Variants in MTHFD1L observed in about 807,000 individuals in gnomAD.
MTHFD1L encodes monofunctional C1-tetrahydrofolate synthase, mitochondrial.
A neutral mutation model predicts 119.5 loss-of-function variants in MTHFD1L; 81 were observed. The ratio of observed to expected loss-of-function variants is 0.68; its 90% CI spans 0.57 to 0.82. The LOEUF (loss-of-function observed/expected upper bound fraction) is 0.82. Ranked by LOEUF, MTHFD1L falls within the 40% of genes least tolerant of loss-of-function variation. The pLI, the probability that MTHFD1L is intolerant of heterozygous loss-of-function variation, is 0.00. For synonymous variants in MTHFD1L, 430 were observed against 475.2 expected, an observed-to-expected ratio of 0.90 and a Z score of 1.24; for missense variants, 1,125 against 1,253.4, an observed-to-expected ratio of 0.90 and a Z score of 1.55.
In MTHFD1L at chr6:151,039,224, G is replaced by A. The variant is rs557653712; in HGVS notation, c.2847+2107G>A. 5.3e-4 allele frequency among the ~76,000 whole-genome samples: 81 copies of A among 152,236 alleles called. 3 individuals carry two copies. The South Asian group carries it at 0.016, about 30-fold the overall frequency. ...CGTCCAGAAAAATCCCACAGACACCGCTCGTAGCAGTGTTGGCACAGGGAG... is the reference window on the plus strand; with the variant it reads ...CGTCCAGAAAAATCCCACAGACACCACTCGTAGCAGTGTTGGCACAGGGAG... On this transcript the variant is annotated intron_variant, in intron 26 of 27. Transcript: ENST00000367321. This position sits in a 1 kb window ranked among gnomAD's most constrained non-coding sequence, Gnocchi z 4.4.
At chr6:151,013,128 C>G (rs1762442988) in intron 21 of MTHFD1L, among the ~76,000 whole-genome samples, 1 of 152,196 alleles carries the variant, frequency 6.6e-6, no homozygotes, top group African/African-American at 2.4e-5. Context: ...CCCTGTAATG[C>G]CAGCACTTTG....
intron 27 of MTHFD1L, among the ~76,000 whole-genome samples, chr6:151,093,656 TA>T (rs753488261): frequency 2.9e-3 from 425 of 144,088 alleles, no homozygotes; most frequent in Admixed American, 3.1e-3. Context: ...ACTCTCCTTC[TA>T]AAAAAAAAAA....
rs142684557 is a variant in MTHFD1L, at chr6:150,926,208, T to C, written c.1169T>C (p.Ile390Thr). 166 of 1,614,062 alleles carry C rather than the reference T, an allele frequency of 1.0e-4. No individual in the cohort carries two copies. In the African/African-American group the frequency reaches 1.9e-3, roughly 18 times the overall value. ...EIGLLADEIE[I>T]YGKSKAKVRL... The stretch of plus-strand genomic sequence containing the variant: ...GGATTGCTTGCAGATGAAATTGAAA[T>C]CTATGGCAAAAGCAAAGCCAAAGTA... Residue 390 changes from isoleucine (I) to threonine (T), a missense_variant, in exon 11 of 28, where the codon ATC (isoleucine) becomes ACC (threonine). Ile to Thr is a moderately conservative substitution (Grantham distance 89). This residue lies in a region of MTHFD1L where 1,058 missense variants were observed against 1,151.2 expected (regional missense o/e 0.92). Coordinates refer to ENST00000367321, the MANE Select transcript of MTHFD1L (RefSeq NM_015440.5). The surrounding 1 kb of genome is among the most constrained non-coding windows in gnomAD (Gnocchi z 4.3).
chr6:151,088,976 T>C (rs1271413623), intron 26 of MTHFD1L, among the ~76,000 whole-genome samples: 1 of 152,224 alleles, frequency 6.6e-6, no homozygotes, highest in Non-Finnish European at 1.5e-5. Context: ...AGTAGAGTCT[T>C]CCATTGGTAG....
intron 26 of MTHFD1L, among the ~76,000 whole-genome samples, chr6:151,071,145 G>T (rs73782708): frequency 0.028 from 4,242 of 152,242 alleles, 188 homozygotes; most frequent in African/African-American, 0.096. Context: ...TTAAACTTTT[G>T]TGTAAGCTCC....
Position 151,003,216 on chromosome 6 carries a change from C to G in MTHFD1L, c.2126-6603C>G, listed in dbSNP as rs185476967. On this transcript the variant is annotated intron_variant, in intron 20 of 27. Transcript: ENST00000367321. ...AAACAGAATTCAAGAAAAACAACAA[C>G]AACAACAAAAAACACATTAAAAACA... is the stretch of plus-strand genomic sequence containing the variant. Among the ~76,000 whole-genome samples, 12 of 152,176 alleles carry G rather than the reference C, an allele frequency of 7.9e-5. No individual in the cohort carries two copies. In the East Asian group the frequency reaches 1.9e-3, roughly 25 times the overall value.
intron 26 of MTHFD1L, among the ~76,000 whole-genome samples, chr6:151,045,767 C>T (rs543144536): frequency 6.6e-6 from 1 of 152,292 alleles, no homozygotes; most frequent in African/African-American, 2.4e-5. Context: ...CCTGCTTTCT[C>T]CCAAATATGC....
At chr6:151,052,592 C>A (rs146837171) in intron 26 of MTHFD1L, among the ~76,000 whole-genome samples, 1 of 152,154 alleles carries the variant, frequency 6.6e-6, no homozygotes, top group Non-Finnish European at 1.5e-5. Flanking sequence ...GACTCCAGAG[C>A]GCCTTAGAGG....
chr6:150,865,759 C>T lies in MTHFD1L; in HGVS notation c.-64C>T. On this transcript the variant is annotated 5_prime_UTR_variant, in exon 1 of 28. Transcript: ENST00000367321. ...CCGCCGCCGCCGCCTGCTCCCCTGGCACGCGCCCCGCCGCCCTCGGCAGCC... is the reference window on the plus strand; with the variant it reads ...CCGCCGCCGCCGCCTGCTCCCCTGGTACGCGCCCCGCCGCCCTCGGCAGCC... 2 of 1,208,868 alleles carry T rather than the reference C, an allele frequency of 1.7e-6. No homozygotes were observed. The highest frequency in any genetic ancestry group is 2.1e-5 in the South Asian group (1 of 46,522). The allele number at this position is 1,208,868 out of a possible 1,614,324, so 74.9% of individuals were successfully genotyped here.
At position 150,912,911 on chromosome 6, in the gene MTHFD1L, T is replaced by C. The variant is rs112290139; in HGVS notation, c.893-5666T>C. ...GTGAAATAATGATTCCCTTTCTTAA[T>C]TTTCTTTAGCCATGAAATTTATTAA... On this transcript the variant is annotated intron_variant, in intron 8 of 27. Coordinates refer to ENST00000367321, the MANE Select transcript of MTHFD1L (RefSeq NM_015440.5). 273 of 166,414 alleles carry C rather than the reference T, an allele frequency of 1.6e-3. 1 individual carries two copies. The highest frequency in any genetic ancestry group is 6.1e-3 in the African/African-American group (256 of 42,158). The allele number at this position is 166,414 out of a possible 1,614,324, so 10.3% of individuals were successfully genotyped here.
At chr6:150,994,228 A>G (rs1411937476) in intron 20 of MTHFD1L, among the ~76,000 whole-genome samples, 2 of 152,062 alleles carry the variant, frequency 1.3e-5, no homozygotes, top group African/African-American at 4.8e-5. Context: ...GGATGGTTGC[A>G]CAAGCTCCAG....
chr6:150,965,995 C>T (rs933605310), intron 19 of MTHFD1L, among the ~76,000 whole-genome samples: 1 of 152,104 alleles, frequency 6.6e-6, no homozygotes, highest in African/African-American at 2.4e-5. Flanking sequence ...CAGCACAGAG[C>T]TGAGTAAACC....
chr6:150,898,239 T>C (rs17080464), intron 7 of MTHFD1L, among the ~76,000 whole-genome samples: 6,995 of 152,242 alleles, frequency 0.046, 538 homozygotes, highest in African/African-American at 0.16. Context: ...TGGCTTTTCA[T>C]ATATGCCTCG....
intron 15 of MTHFD1L, 52 bp downstream of exon 15, chr6:150,945,593 C>CAGAA (rs1210356463): frequency 6.5e-7 from 1 of 1,534,044 alleles, no homozygotes; most frequent in Non-Finnish European, 9.0e-7. Flanking sequence ...AGAAACGCAT[C>CAGAA]AGAAAGATTG....
chr6:150,917,234 G>A (rs1250097552), intron 8 of MTHFD1L, among the ~76,000 whole-genome samples: 1 of 152,014 alleles, frequency 6.6e-6, no homozygotes, highest in Non-Finnish European at 1.5e-5. Flanking sequence ...AGATTTTAGA[G>A]CTTTCTAGGC....
chr6:150,886,868 T>C (rs567077249), intron 6 of MTHFD1L, among the ~76,000 whole-genome samples: 71 of 151,612 alleles, frequency 4.7e-4, no homozygotes, highest in African/African-American at 1.6e-3. Context: ...TGGTGACTTG[T>C]GCCTGTAGTC....
chr6:150,972,248 T>A (rs1798086129), intron 20 of MTHFD1L, among the ~76,000 whole-genome samples, 190 bp downstream of exon 20: 2 of 152,150 alleles, frequency 1.3e-5, no homozygotes, highest in South Asian at 2.1e-4. Context: ...TGTGCTTGAA[T>A]CATAGAGTCT....
At chr6:151,078,456 A>T (rs570039725) in intron 26 of MTHFD1L, among the ~76,000 whole-genome samples, 2 of 152,176 alleles carry the variant, frequency 1.3e-5, no homozygotes, top group African/African-American at 4.8e-5. Context: ...AACAGCTCAC[A>T]TGTATTATCT....
At chr6:151,003,055 A>G (rs1780843554) in intron 20 of MTHFD1L, among the ~76,000 whole-genome samples, 1 of 152,212 alleles carries the variant, frequency 6.6e-6, no homozygotes. Flanking sequence ...GCTGAACTGT[A>G]CTTAGGATTT....
Sources: allele counts gnomAD v4.1 joint callset (sites outside exome capture counted in the v4.1 genomes callset), GRCh38; gene constraint gnomAD v4.1.1; regional missense constraint gnomAD v4.1.1; non-coding constraint Gnocchi (gnomAD v3.1); transcripts MANE v1.5; gene names NCBI Gene and HGNC (gene_info 2026-07-23, HGNC 2026-07-21).